Variants in ERCC8 observed in about 807,000 individuals in gnomAD.
ERCC8 encodes ERCC excision repair 8, CSA ubiquitin ligase complex subunit.
A neutral mutation model predicts 54.9 loss-of-function variants in ERCC8; 52 were observed. That is an observed-to-expected ratio of 0.95 (90% CI 0.76 to 1.19). ERCC8 has a LOEUF of 1.19. ERCC8 is among the 50% of genes most tolerant of loss of function. ERCC8 has a pLI of 0.00. For synonymous variants in ERCC8, 146 were observed against 157.2 expected (o/e 0.93, Z 0.53); for missense variants, 514 against 466.1 (o/e 1.10, Z -0.95).
In ERCC8 at chr5:60,874,211, A is replaced by G. The variant is rs565773632; in HGVS notation, c.*404T>C. 1.3e-5 allele frequency: 2 copies of G among 158,674 alleles called. No individual in the cohort carries two copies. The highest frequency in any genetic ancestry group is 3.7e-4 in the East Asian group (2 of 5,474). The allele number at this position is 158,674 out of a possible 1,614,324, so 9.8% of individuals were successfully genotyped here. On this transcript the variant is annotated 3_prime_UTR_variant, in exon 12 of 12. Transcript: ENST00000676185. ...TTTTGATATAATCATTCTTGGCAAA[A>G]TCATTCTTAAAGGTGGAAACGAGCA... is the stretch of plus-strand genomic sequence containing the variant.
intron 7 of ERCC8, among the ~76,000 whole-genome samples, chr5:60,901,599 T>C (rs1196457790): frequency 6.6e-6 from 1 of 152,048 alleles, no homozygotes; most frequent in African/African-American, 2.4e-5. Flanking sequence ...CTGCCAAAGC[T>C]ACAAAGTTAA....
At chr5:60,903,519 T>G in intron 6 of ERCC8, 129 bp downstream of exon 6, 1 of 1,470,446 alleles carries the variant, frequency 6.8e-7, no homozygotes, top group Non-Finnish European at 9.2e-7. Flanking sequence ...TTTATTTCCC[T>G]GCTGAGTCTC....
In ERCC8 at chr5:60,887,540, G is replaced by A; in HGVS notation, c.1042-20C>T. On this transcript the variant is annotated intron_variant, in intron 10 of 11. Coordinates refer to ENST00000676185, the MANE Select transcript of ERCC8 (RefSeq NM_000082.4). ...AAGTTCCTATAACATAGAAGGCAAA[G>A]ATGATACTGTGGATCAAGAGCTGAT... The A allele has an allele frequency of 1.3e-6, 2 of 1,564,234 alleles. No homozygotes were observed. Among genetic ancestry groups the A allele is most frequent in the Non-Finnish European group, 1.8e-6 (2 of 1,134,554 alleles).
chr5:60,938,455 G>A (rs934951760), intron 1 of ERCC8, among the ~76,000 whole-genome samples: 1 of 149,298 alleles, frequency 6.7e-6, no homozygotes, highest in Non-Finnish European at 1.5e-5. Flanking sequence ...CAGAGTTCAA[G>A]CGATTCTCCT....
Position 60,918,196 on chromosome 5 carries a change from C to T in ERCC8, c.399+69G>A, listed in dbSNP as rs1749493185. 11 of 1,240,604 alleles carry T rather than the reference C, an allele frequency of 8.9e-6. No homozygotes were observed. The South Asian group carries it at 9.6e-5, about 11-fold the overall frequency. The allele number at this position is 1,240,604 out of a possible 1,614,324, so 76.8% of individuals were successfully genotyped here. ...TATGACATCTCAGCAAATAATCATA[C>T]TAAAATGGTTTAGGATTAAATTCTC... On this transcript the variant is annotated intron_variant, in intron 4 of 11. Coordinates refer to ENST00000676185, the MANE Select transcript of ERCC8 (RefSeq NM_000082.4).
chr5:60,877,432 G>A (rs1290859762), intron 11 of ERCC8, among the ~76,000 whole-genome samples: 1 of 152,164 alleles, frequency 6.6e-6, no homozygotes, highest in East Asian at 1.9e-4. Context: ...GTAGCTTGAT[G>A]GGGATGGCAT....
intron 6 of ERCC8, 82 bp from the exon 7 acceptor site, chr5:60,902,590 G>A (rs765693087): frequency 4.5e-5 from 51 of 1,136,926 alleles, no homozygotes; most frequent in Non-Finnish European, 4.7e-5. Context: ...GCCTGATTCT[G>A]AAGAAAGTGA....
intron 9 of ERCC8, chr5:60,893,468 G>A (rs1475625249): frequency 3.2e-6 from 3 of 951,434 alleles, no homozygotes. Context: ...AACAAACTGA[G>A]GAGCAGAGGG....
intron 7 of ERCC8, 74 bp downstream of exon 7, chr5:60,902,368 A>C: frequency 1.8e-6 from 2 of 1,092,408 alleles, no homozygotes; most frequent in Non-Finnish European, 2.8e-6. Context: ...AAATATATAC[A>C]TTACATAAAT....
At chr5:60,893,500 C>T (rs1052152987) in intron 9 of ERCC8, 2 of 887,512 alleles carry the variant, frequency 2.3e-6, no homozygotes, top group Non-Finnish European at 3.8e-6. Context: ...TTGCTTTCTT[C>T]CCATTTTGTT....
Position 60,887,487 on chromosome 5 carries a change from G to C in ERCC8, c.1075C>G (p.Leu359Val). 6.2e-7 allele frequency: 1 copy of C among 1,613,966 alleles called. No homozygotes were observed. Among genetic ancestry groups the C allele is most frequent in the Non-Finnish European group, 8.5e-7 (1 of 1,179,876 alleles). The change falls in exon 11 of 12, where the codon CTG becomes GTG. Residue 359 changes from leucine to valine, a missense_variant. Leu to Val is a conservative substitution (Grantham distance 32, BLOSUM62 1). Coordinates refer to ENST00000676185, the MANE Select transcript of ERCC8 (RefSeq NM_000082.4). Reference protein sequence around the residue: ...LYSGSRDCNILAWVPSLYEPV... With the variant: ...LYSGSRDCNIVAWVPSLYEPV... ...TCATATAAGGATGGAACCCAAGCCA[G>C]AATGTTGCAGTCTCTGCTACCACTA...
At position 60,874,544 on chromosome 5, in the gene ERCC8, C is replaced by A; in HGVS notation, c.*71G>T. On this transcript the variant is annotated 3_prime_UTR_variant, in exon 12 of 12. Coordinates refer to ENST00000676185, the MANE Select transcript of ERCC8 (RefSeq NM_000082.4). ...GCTAATTTAGCTGTCAGGAATAGAC[C>A]ATACAGTTGAAAAAAACACAGTCTC... The A allele has an allele frequency of 7.6e-7, 1 of 1,321,824 alleles. No individual in the cohort carries two copies. 81.9% of individuals were successfully genotyped at this position (1,321,824 alleles called of 1,614,324 possible).
chr5:60,925,821 C>T (rs762370366), intron 2 of ERCC8, among the ~76,000 whole-genome samples: 1 of 151,958 alleles, frequency 6.6e-6, no homozygotes, highest in African/African-American at 2.4e-5. Context: ...TTGACATTGT[C>T]ATCTTTCTTT....
chr5:60,927,936 A>C (rs779673414), intron 2 of ERCC8, among the ~76,000 whole-genome samples: 1 of 152,220 alleles, frequency 6.6e-6, no homozygotes. Context: ...ACTTGACTTA[A>C]TGTATTAATA....
At chr5:60,920,247 T>C (rs1452122898) in intron 3 of ERCC8, among the ~76,000 whole-genome samples, 3 of 152,016 alleles carry the variant, frequency 2.0e-5, no homozygotes, top group Non-Finnish European at 4.4e-5. Flanking sequence ...ATACTAAATA[T>C]TCTTCCAATA....
chr5:60,935,241 C>T (rs1369810633), intron 1 of ERCC8, among the ~76,000 whole-genome samples: 2 of 152,068 alleles, frequency 1.3e-5, no homozygotes, highest in Non-Finnish European at 2.9e-5. Context: ...TTGTAGAGGT[C>T]TTTTACCTCC....
chr5:60,891,143 C>A, intron 9 of ERCC8, 57 bp from the exon 10 acceptor site: 1 of 1,188,244 alleles, frequency 8.4e-7, no homozygotes, highest in Non-Finnish European at 1.2e-6. Context: ...TAAAACACAA[C>A]AAAGCCTAGG....
intron 1 of ERCC8, among the ~76,000 whole-genome samples, chr5:60,942,377 T>A (rs1431856957): frequency 6.6e-6 from 1 of 152,166 alleles, no homozygotes; most frequent in Non-Finnish European, 1.5e-5. Context: ...TGTAAATGTA[T>A]TAGTCCTGAA....
intron 4 of ERCC8, chr5:60,917,966 T>C (rs1197458956): frequency 2.8e-6 from 1 of 359,680 alleles, no homozygotes; most frequent in Non-Finnish European, 5.3e-6. Context: ...CTATATGCTA[T>C]GTACTGTACT....
Sources: allele counts gnomAD v4.1 joint callset (sites outside exome capture counted in the v4.1 genomes callset), GRCh38; gene constraint gnomAD v4.1.1; transcripts MANE v1.5; gene names NCBI Gene and HGNC (gene_info 2026-07-23, HGNC 2026-07-21).